ZGLP1: variants seen among roughly 807,000 people sequenced by gnomAD.
The protein encoded by ZGLP1 is zinc finger GATA like protein 1.
A neutral mutation model predicts 21.4 loss-of-function variants in ZGLP1; 11 were observed. The ratio of observed to expected loss-of-function variants is 0.51; its 90% CI spans 0.32 to 0.85. ZGLP1 has a LOEUF of 0.85. Ranked by LOEUF, ZGLP1 falls within the 40% of genes least tolerant of loss-of-function variation. ZGLP1 has a pLI of 0.03. For missense variants in ZGLP1, 295 were observed against 355.6 expected (o/e 0.83, Z 1.37); for synonymous variants, 148 against 145.0 (o/e 1.02, Z -0.15).
chr19:10,306,559 T>C (rs1398316569), intron 1 of ZGLP1, among the ~76,000 whole-genome samples: 1 of 152,130 alleles, frequency 6.6e-6, no homozygotes, highest in Non-Finnish European at 1.5e-5. Context: ...AAAATGGGCT[T>C]CCCAATACAA....
chr19:10,304,832 C>G (rs935251698), exon 4 of ZGLP1: 1 of 534,356 alleles, frequency 1.9e-6, no homozygotes, highest in African/African-American at 1.9e-5. Flanking sequence ...TTTATTGTCC[C>G]TGCTGTAACA....
At chr19:10,307,377 T>C (rs1478644391) in intron 1 of ZGLP1, among the ~76,000 whole-genome samples, 1 of 142,432 alleles carries the variant, frequency 7.0e-6, no homozygotes, top group African/African-American at 2.6e-5. Context: ...GGGGATGGAG[T>C]CTTGCTCTGT....
chr19:10,305,367 A>G lies in ZGLP1; in HGVS notation c.698+23T>C, dbSNP rs1324178038. On this transcript the variant is annotated intron_variant, in intron 3 of 3. Transcript: ENST00000403903. The surrounding 1 kb of genome is among the most constrained non-coding windows in gnomAD (Gnocchi z 4.7). ...GACTGATTTGGGGACCCCCGCCCCA[A>G]CTCCCTCCTCCATTCTAAGGACCTG... 5 of 1,573,760 alleles carry G rather than the reference A, an allele frequency of 3.2e-6. No homozygotes were observed. Among genetic ancestry groups the G allele is most frequent in the Non-Finnish European group, 8.6e-7 (1 of 1,159,020 alleles).
At chr19:10,308,355 C>A in exon 1 of ZGLP1, 1 of 1,608,004 alleles carries the variant, frequency 6.2e-7, no homozygotes, top group Admixed American at 1.7e-5. Flanking sequence ...GACGGCGGCC[C>A]TTTTGGCTGA....
chr19:10,308,151 G>C (rs1481722186), intron 1 of ZGLP1, 34 bp downstream of exon 2: 3 of 1,511,196 alleles, frequency 2.0e-6, no homozygotes, highest in East Asian at 2.3e-5. Context: ...TTGTAACTGG[G>C]AGAAAGGGCG....
Position 10,305,422 on chromosome 19 carries a change from A to G in ZGLP1, c.666T>C (p.Asp222=). 1 of 1,600,620 alleles carries G rather than the reference A, an allele frequency of 6.2e-7. No individual in the cohort carries two copies. ...CACAGGCGTTGCAGAGAGGGGTCCC[A>G]TCTTCAGCGTCTCTCCAGAGCGGGG... Residue 222 remains aspartate (D), a synonymous_variant, in exon 3 of 4, where the codon GAT becomes GAC. Transcript: ENST00000403903. This position sits in a 1 kb window ranked among gnomAD's most constrained non-coding sequence, Gnocchi z 4.7.
At chr19:10,306,928 G>T (rs1413896089) in intron 1 of ZGLP1, among the ~76,000 whole-genome samples, 1 of 152,230 alleles carries the variant, frequency 6.6e-6, no homozygotes, top group East Asian at 1.9e-4. Context: ...GAGGTCAAGA[G>T]ATCGAGACCA....
chr19:10,308,648 G>A (rs776601048), exon 1 of ZGLP1: 1 of 1,517,626 alleles, frequency 6.6e-7, no homozygotes, highest in Admixed American at 2.2e-5. Flanking sequence ...TGTACCCTTG[G>A]ACAGGCTACA....
chr19:10,308,627 C>T, exon 1 of ZGLP1: 1 of 1,530,606 alleles, frequency 6.5e-7, no homozygotes, highest in Non-Finnish European at 8.8e-7. Flanking sequence ...CCAACTTGGG[C>T]CGGCTCTTTG....
At position 10,305,430 on chromosome 19, in the gene ZGLP1, C is replaced by T; in HGVS notation, c.658G>A (p.Ala220Thr). 1 of 1,601,116 alleles carries T rather than the reference C, an allele frequency of 6.2e-7. No homozygotes were observed. The highest frequency in any genetic ancestry group is 1.7e-4 in the Middle Eastern group (1 of 6,050). ...TTGCAGAGAGGGGTCCCATCTTCAG[C>T]GTCTCTCCAGAGCGGGGTCCTCTGG... The change falls in exon 3 of 4, where the codon GCT becomes ACT. Residue 220 changes from alanine (A) to threonine (T), a missense_variant. Around this residue, in one of 2 missense-constraint regions of ZGLP1, gnomAD observed 43 missense variants for 91.7 expected, o/e 0.47. Coordinates refer to ENST00000403903, the Ensembl canonical transcript of ZGLP1. This position sits in a 1 kb window ranked among gnomAD's most constrained non-coding sequence, Gnocchi z 4.7.
chr19:10,305,681 TG>T lies in ZGLP1; in HGVS notation c.604+164del. 2 of 696,624 alleles carry T rather than the reference TG, an allele frequency of 2.9e-6. No homozygotes were observed. The highest frequency in any genetic ancestry group is 2.4e-6 in the Non-Finnish European group (1 of 417,932). The allele number at this position is 696,624 out of a possible 1,614,324, so 43.2% of individuals were successfully genotyped here. ...GGCAGCATTCCGCAGAGGAGGAAGC[TG>T]GGGGTGGGGGTGACTCAGCCCAAGT... On this transcript the variant is annotated intron_variant, in intron 2 of 3. Coordinates refer to ENST00000403903, the Ensembl canonical transcript of ZGLP1. This position sits in a 1 kb window ranked among gnomAD's most constrained non-coding sequence, Gnocchi z 4.7.
chr19:10,305,488 A>G lies in ZGLP1; in HGVS notation c.605-5T>C, dbSNP rs1024742982. On this transcript the variant is annotated splice_region_variant and splice_polypyrimidine_tract_variant and intron_variant, in intron 2 of 3. Transcript: ENST00000403903. This position sits in a 1 kb window ranked among gnomAD's most constrained non-coding sequence, Gnocchi z 4.7. ...AGGAAGCACAGCGCCGGGGCTCTGA[A>G]GGGTCAGAGGTCAAAGGGCAGGGGT... 5 of 1,589,800 alleles carry G rather than the reference A, an allele frequency of 3.1e-6. No individual in the cohort carries two copies. The Admixed American group carries it at 7.3e-5, about 23-fold the overall frequency.
At chr19:10,307,214 A>C (rs2040284480) in intron 1 of ZGLP1, among the ~76,000 whole-genome samples, 1 of 152,060 alleles carries the variant, frequency 6.6e-6, no homozygotes, top group South Asian at 2.1e-4. Flanking sequence ...TAAATAGGTA[A>C]AAATTAGAGC....
intron 1 of ZGLP1, among the ~76,000 whole-genome samples, chr19:10,307,211 G>A (rs2040284468): frequency 6.6e-6 from 1 of 151,864 alleles, no homozygotes; most frequent in South Asian, 2.1e-4. Context: ...CAATAAATAG[G>A]TAAAAATTAG....
intron 1 of ZGLP1, among the ~76,000 whole-genome samples, chr19:10,307,240 G>A (rs2040284580): frequency 1.3e-5 from 2 of 151,532 alleles, no homozygotes; most frequent in African/African-American, 4.9e-5. Flanking sequence ...GTCATACTAT[G>A]TTGCCCAGGC....
At chr19:10,308,100 G>A (rs566055591) in intron 1 of ZGLP1, 85 bp downstream of exon 2, 27 of 1,485,926 alleles carry the variant, frequency 1.8e-5, no homozygotes, top group Non-Finnish European at 2.3e-5. Context: ...GGTCCACACC[G>A]ACGCCAGAGA....
Position 10,308,668 on chromosome 19 carries a change from T to TGAGGTTC in ZGLP1, c.7_13dup (p.Gln5ArgfsTer26), listed in dbSNP as rs2145044188. ...CCTTGGACAGGCTACACACCCCACC[T>TGAGGTTC]GAGGTTCAGTCATTTCTAACTCTGG... On this transcript the variant is annotated frameshift_variant, in exon 1 of 4. Transcript: ENST00000403903. LOFTEE classifies it high-confidence loss of function. 1.3e-6 allele frequency: 2 copies of TGAGGTTC among 1,496,074 alleles called. No individual in the cohort carries two copies. Among genetic ancestry groups the TGAGGTTC allele is most frequent in the East Asian group, 4.6e-5 (2 of 43,628 alleles). The allele number at this position is 1,496,074 out of a possible 1,614,324, so 92.7% of individuals were successfully genotyped here. A position where few individuals can be genotyped will look rare whatever the true frequency, so the allele number is the denominator to read the frequency against.
At chr19:10,307,277 A>C (rs1421644279) in intron 1 of ZGLP1, among the ~76,000 whole-genome samples, 1 of 151,612 alleles carries the variant, frequency 6.6e-6, no homozygotes, top group African/African-American at 2.4e-5. Flanking sequence ...GGCTCATGCA[A>C]TCCTCCCACC....
intron 1 of ZGLP1, among the ~76,000 whole-genome samples, chr19:10,307,258 G>C (rs2040284671): frequency 6.6e-6 from 1 of 151,422 alleles, no homozygotes; most frequent in Non-Finnish European, 1.5e-5. Flanking sequence ...GGCTGGTCTT[G>C]AACTCCTGGG....
Sources: allele counts gnomAD v4.1 joint callset (sites outside exome capture counted in the v4.1 genomes callset), GRCh38; gene constraint gnomAD v4.1.1; regional missense constraint gnomAD v4.1.1; non-coding constraint Gnocchi (gnomAD v3.1); transcripts MANE v1.5; gene names NCBI Gene and HGNC (gene_info 2026-07-23, HGNC 2026-07-21).